The following ANXA8 variants were observed in gnomAD, a reference collection of about 807,000 sequenced individuals.
ANXA8 encodes annexin A8, also known as VAC-beta.
In ANXA8, 9 loss-of-function variants were observed where a neutral mutation model predicts 26.8. The ratio of observed to expected loss-of-function variants is 0.34; its 90% CI spans 0.20 to 0.59. The LOEUF (loss-of-function observed/expected upper bound fraction) is 0.59, where lower values mean the gene tolerates loss of function less well. Ranked by LOEUF, ANXA8 falls within the 20% of genes least tolerant of loss-of-function variation. The pLI, the probability that ANXA8 is intolerant of heterozygous loss-of-function variation, is 0.84. For missense variants in ANXA8, 83 were observed against 238.5 expected, an observed-to-expected ratio of 0.35 and a Z score of 4.29; for synonymous variants, 39 against 94.8, an observed-to-expected ratio of 0.41 and a Z score of 3.42.
chr10:47,691,742 GA>G, the ANXA8 span, among the ~76,000 whole-genome samples: 1 of 149,236 alleles, frequency 6.7e-6, no homozygotes, highest in Non-Finnish European at 1.5e-5. Context: ...CCAAGCAACA[GA>G]GTTAGACCTT....
intron 11 of ANXA8, among the ~76,000 whole-genome samples, chr10:47,470,512 G>T (rs1839303590): frequency 9.7e-6 from 1 of 102,790 alleles, no homozygotes; most frequent in Non-Finnish European, 1.9e-5. Flanking sequence ...ATCCTCTCTT[G>T]CCCCTGCCCA....
the ANXA8 span, among the ~76,000 whole-genome samples, chr10:47,614,122 C>T: frequency 2.7e-5 from 2 of 74,438 alleles, 1 homozygote; most frequent in Non-Finnish European, 6.9e-5. Flanking sequence ...TCCACTTTTA[C>T]GCAGCCCCTA....
chr10:47,671,835 T>A, the ANXA8 span, among the ~76,000 whole-genome samples: 1 of 151,856 alleles, frequency 6.6e-6, no homozygotes, highest in Non-Finnish European at 1.5e-5. Flanking sequence ...AAAAAAATAA[T>A]TTTTAATTAA....
At chr10:47,620,936 A>G in the ANXA8 span, among the ~76,000 whole-genome samples, 3 of 111,484 alleles carry the variant, frequency 2.7e-5, no homozygotes, top group Admixed American at 1.9e-4. Flanking sequence ...AAATAAGGGC[A>G]TGAGTGTTAG....
chr10:47,622,350 T>A, the ANXA8 span, among the ~76,000 whole-genome samples: 2 of 109,534 alleles, frequency 1.8e-5, 1 homozygote, highest in South Asian at 5.8e-4. Context: ...GTATCCTCAT[T>A]ATATATTCCT....
the ANXA8 span, among the ~76,000 whole-genome samples, chr10:47,686,274 A>G: frequency 1.4e-5 from 2 of 143,282 alleles, no homozygotes; most frequent in Admixed American, 1.5e-4. Context: ...ACTGGAGTGC[A>G]GTGGTGTGAT....
the ANXA8 span, among the ~76,000 whole-genome samples, chr10:47,898,811 A>ATGTTTTT: frequency 1.8e-5 from 1 of 56,242 alleles, no homozygotes; most frequent in Non-Finnish European, 2.9e-5. Flanking sequence ...AAGAGAATGG[A>ATGTTTTT]TTTTTTTTTT....
the ANXA8 span, among the ~76,000 whole-genome samples, chr10:47,959,224 A>G: frequency 6.8e-6 from 1 of 147,044 alleles, no homozygotes; most frequent in African/African-American, 2.6e-5. Flanking sequence ...TTCCAGATGT[A>G]CCCACCTTTC....
At chr10:47,606,540 AG>A in the ANXA8 span, among the ~76,000 whole-genome samples, 1 of 148,292 alleles carries the variant, frequency 6.7e-6, no homozygotes, top group African/African-American at 2.6e-5. Flanking sequence ...AAAAAGAACA[AG>A]ATCTTGTTCT....
chr10:47,528,167 C>T, the ANXA8 span, among the ~76,000 whole-genome samples: 2 of 138,632 alleles, frequency 1.4e-5, no homozygotes, highest in Admixed American at 7.4e-5. Flanking sequence ...GCAACCTCTG[C>T]CTCCTGGGTT....
the ANXA8 span, among the ~76,000 whole-genome samples, chr10:47,651,700 G>A: frequency 1.5e-4 from 22 of 151,128 alleles, no homozygotes; most frequent in East Asian, 3.9e-3. Context: ...TTTAAGACCA[G>A]CCTGACCAAC....
At chr10:47,504,846 CTTTT>C in the ANXA8 span, among the ~76,000 whole-genome samples, 43 of 46,824 alleles carry the variant, frequency 9.2e-4, no homozygotes, top group Middle Eastern at 0.014. Context: ...CATAACTGTT[CTTTT>C]TTTTTTTTTT....
chr10:47,647,677 A>G, the ANXA8 span, among the ~76,000 whole-genome samples: 2 of 149,126 alleles, frequency 1.3e-5, no homozygotes, highest in Non-Finnish European at 2.9e-5. Context: ...GTGGGCAACA[A>G]AAAAGCATAT....
At chr10:47,566,709 C>T in the ANXA8 span, among the ~76,000 whole-genome samples, 2 of 133,300 alleles carry the variant, frequency 1.5e-5, no homozygotes, top group Non-Finnish European at 1.6e-5. Flanking sequence ...GCAGGGGGTT[C>T]TGGAGGGTCA....
At chr10:47,621,766 A>G in the ANXA8 span, among the ~76,000 whole-genome samples, 2 of 109,176 alleles carry the variant, frequency 1.8e-5, no homozygotes, top group Non-Finnish European at 4.0e-5. Flanking sequence ...AGGCTATGCT[A>G]AAGTTCTGCT....
chr10:47,982,454 A>G, the ANXA8 span, among the ~76,000 whole-genome samples: 1 of 149,162 alleles, frequency 6.7e-6, no homozygotes, highest in Admixed American at 6.8e-5. Context: ...AAAGGTGTCA[A>G]GACAATTCAA....
the ANXA8 span, among the ~76,000 whole-genome samples, chr10:47,534,719 A>G: frequency 1.1e-5 from 1 of 91,926 alleles, no homozygotes; most frequent in Admixed American, 1.2e-4. Flanking sequence ...CAATGGTGCG[A>G]TCTTGGCTCA....
chr10:47,475,109 T>C, intron 6 of ANXA8, 105 bp from the exon 7 acceptor site: 2 of 1,477,552 alleles, frequency 1.4e-6, no homozygotes, highest in Non-Finnish European at 1.8e-6. Flanking sequence ...CTGCTGCTCT[T>C]TGGCTGTGGA....
the ANXA8 span, among the ~76,000 whole-genome samples, chr10:47,695,019 AT>A: frequency 6.6e-6 from 1 of 151,910 alleles, no homozygotes; most frequent in Non-Finnish European, 1.5e-5. Context: ...AGTGATTACT[AT>A]GTCACTAATC....
Sources: gnomAD v4.1 joint callset for allele counts (sites outside exome capture counted in the v4.1 genomes callset) on GRCh38, gnomAD v4.1.1 for gene constraint, MANE v1.5 for transcripts, NCBI Gene and HGNC (gene_info 2026-07-23, HGNC 2026-07-21) for gene names.